PDE11A: variants seen among roughly 807,000 people sequenced by gnomAD.
The protein encoded by PDE11A is phosphodiesterase 11A, also known as dual 3',5'-cyclic-AMP and -GMP phosphodiesterase 11A.
Under a neutral mutation model 100.5 loss-of-function variants are expected in PDE11A, and 100 were observed. The observed-to-expected ratio is 1.00, with a 90% CI of 0.85 to 1.18. The LOEUF (loss-of-function observed/expected upper bound fraction) is 1.18. Among genes scored for constraint, PDE11A ranks in the 50% most tolerant of loss-of-function variants. The probability of loss-of-function intolerance (pLI) is 0.00; values close to 1 mark genes in which losing one functional copy is unlikely to be tolerated. For synonymous variants in PDE11A, 381 were observed against 420.8 expected, an observed-to-expected ratio of 0.91 and a Z score of 1.16; for missense variants, 1,141 against 1,152.6, an observed-to-expected ratio of 0.99 and a Z score of 0.15.
At chr2:177,638,004 T>A (rs867334690) in intron 19 of PDE11A, among the ~76,000 whole-genome samples, 4,961 of 131,936 alleles carry the variant, frequency 0.038, 393 homozygotes, top group African/African-American at 0.12. Flanking sequence ...TATATTTTTT[T>A]TTTTTTTTTT....
At chr2:177,910,109 T>C in intron 2 of PDE11A, among the ~76,000 whole-genome samples, 1 of 152,212 alleles carries the variant, frequency 6.6e-6, no homozygotes, top group East Asian at 1.9e-4. Flanking sequence ...GGAGACAATA[T>C]TATACCTTCA....
At chr2:177,988,920 T>G (rs531997131) in intron 2 of PDE11A, among the ~76,000 whole-genome samples, 2 of 152,320 alleles carry the variant, frequency 1.3e-5, no homozygotes, top group South Asian at 4.1e-4. Context: ...TGCTCAAAAC[T>G]CATCAGGGTT....
intron 4 of PDE11A, among the ~76,000 whole-genome samples, chr2:177,881,024 G>A (rs759332710): frequency 2.0e-5 from 3 of 152,142 alleles, no homozygotes; most frequent in Non-Finnish European, 2.9e-5. Context: ...ATTAGCATTC[G>A]AATCAATAAA....
intron 9 of PDE11A, among the ~76,000 whole-genome samples, chr2:177,805,145 A>G (rs2082851550): frequency 2.0e-5 from 3 of 151,670 alleles, no homozygotes; most frequent in Non-Finnish European, 4.4e-5. Flanking sequence ...AAACAAAATG[A>G]CCCAGAAATA....
intron 2 of PDE11A, among the ~76,000 whole-genome samples, chr2:177,996,245 G>T (rs1211841474): frequency 7.0e-6 from 1 of 142,958 alleles, no homozygotes; most frequent in African/African-American, 2.5e-5. Flanking sequence ...AAAAAAAAAA[G>T]AAAAAGAAAA....
At chr2:177,849,953 T>A (rs1030919306) in intron 5 of PDE11A, among the ~76,000 whole-genome samples, 1 of 152,030 alleles carries the variant, frequency 6.6e-6, no homozygotes, top group Non-Finnish European at 1.5e-5. Flanking sequence ...AAAATGGCCA[T>A]ACTGCCCAAG....
chr2:177,810,699 A>C (rs2082937614), intron 9 of PDE11A, among the ~76,000 whole-genome samples: 1 of 152,182 alleles, frequency 6.6e-6, no homozygotes, highest in African/African-American at 2.4e-5. Context: ...TGAGGGCCTC[A>C]AAGGCCAGGA....
chr2:177,743,480 G>A (rs1041461389), intron 10 of PDE11A, among the ~76,000 whole-genome samples: 2 of 152,242 alleles, frequency 1.3e-5, no homozygotes, highest in Admixed American at 6.5e-5. Flanking sequence ...TTGGATGACA[G>A]GGCACAGGGT....
Position 177,867,101 on chromosome 2 carries a change from G to T in PDE11A, c.1367+8758C>A, listed in dbSNP as rs116483542. ...GATGTGTGTGTGTATACTTGTGTGT[G>T]TATTTATATACACTACCTAGGTTTG... On this transcript the variant is annotated intron_variant, in intron 5 of 19. Coordinates refer to ENST00000286063, the MANE Select transcript of PDE11A (RefSeq NM_016953.4). 7.3e-3 allele frequency among the ~76,000 whole-genome samples: 1,106 copies of T among 152,290 alleles called. 13 individuals are homozygous for T. The highest frequency in any genetic ancestry group is 0.025 in the African/African-American group (1,030 of 41,564).
chr2:177,668,808 C>A (rs934106334), intron 18 of PDE11A, among the ~76,000 whole-genome samples: 1 of 152,152 alleles, frequency 6.6e-6, no homozygotes, highest in Non-Finnish European at 1.5e-5. Context: ...CTTTAAAATG[C>A]TTTGCACCAC....
At chr2:177,945,241 C>T (rs2085395446) in intron 2 of PDE11A, among the ~76,000 whole-genome samples, 1 of 150,798 alleles carries the variant, frequency 6.6e-6, no homozygotes, top group African/African-American at 2.4e-5. Flanking sequence ...CCGGCCGCCA[C>T]CCCGTCTGGG....
chr2:177,658,686 C>A (rs1439925687), intron 19 of PDE11A, among the ~76,000 whole-genome samples: 1 of 150,632 alleles, frequency 6.6e-6, no homozygotes, highest in Non-Finnish European at 1.5e-5. Flanking sequence ...CATAGAGAAA[C>A]ACTTATAGGA....
chr2:178,093,223 A>G (rs2087445725), intron 2 of PDE11A, among the ~76,000 whole-genome samples: 1 of 152,170 alleles, frequency 6.6e-6, no homozygotes, highest in Non-Finnish European at 1.5e-5. Flanking sequence ...ACTACCACCA[A>G]AGACATGTTA....
At chr2:177,926,739 T>G (rs1359039889) in intron 2 of PDE11A, among the ~76,000 whole-genome samples, 3 of 151,618 alleles carry the variant, frequency 2.0e-5, no homozygotes, top group African/African-American at 4.8e-5. Flanking sequence ...TATTATTATC[T>G]ACATTTCCTG....
At position 177,701,142 on chromosome 2, in the gene PDE11A, G is replaced by T. The variant is rs149627351; in HGVS notation, c.2223C>A (p.Ala741=). The T allele has an allele frequency of 9.0e-5, 144 of 1,598,810 alleles. No homozygotes were observed. In the Middle Eastern group the frequency reaches 1.7e-3, roughly 18 times the overall value. ...ATLEHHHFNH[A]VMILQSEGHN... ...GTACCTCACTTTGAAGGATCATCACGGCGTGGTTGAAATGGTGATGCTCCA... is the reference window on the plus strand; with the variant it reads ...GTACCTCACTTTGAAGGATCATCACTGCGTGGTTGAAATGGTGATGCTCCA... The change falls in exon 14 of 20, where the codon GCC becomes GCA. Residue 741 remains alanine, a synonymous_variant. Transcript: ENST00000286063.
intron 19 of PDE11A, among the ~76,000 whole-genome samples, chr2:177,629,785 C>T (rs1032528147): frequency 6.6e-6 from 1 of 152,130 alleles, no homozygotes; most frequent in African/African-American, 2.4e-5. Flanking sequence ...TAAGACATCA[C>T]CAGCATAGCT....
intron 13 of PDE11A, among the ~76,000 whole-genome samples, chr2:177,706,989 G>A (rs1284028883): frequency 6.6e-6 from 1 of 152,078 alleles, no homozygotes; most frequent in Non-Finnish European, 1.5e-5. Flanking sequence ...TGAACTGTTG[G>A]ATGTCAAAAT....
intron 18 of PDE11A, among the ~76,000 whole-genome samples, chr2:177,666,419 G>A (rs1574023761): frequency 6.6e-6 from 1 of 152,304 alleles, no homozygotes; most frequent in East Asian, 1.9e-4. Context: ...TATACCTAGA[G>A]GTAGAATTTC....
chr2:178,064,176 G>C (rs930229469), intron 1 of PDE11A, among the ~76,000 whole-genome samples: 1 of 152,200 alleles, frequency 6.6e-6, no homozygotes, highest in Non-Finnish European at 1.5e-5. Context: ...ATTCCTGACT[G>C]TAAGTCTAGA....
Sources: allele counts gnomAD v4.1 joint callset (sites outside exome capture counted in the v4.1 genomes callset), GRCh38; gene constraint gnomAD v4.1.1; transcripts MANE v1.5; gene names NCBI Gene and HGNC (gene_info 2026-07-23, HGNC 2026-07-21).